LOC128706665: variants seen among roughly 807,000 people sequenced by gnomAD.
At chr20:10,428,705 T>A in the LOC128706665 span, among the ~76,000 whole-genome samples, 1 of 152,104 alleles carries the variant, frequency 6.6e-6, no homozygotes, top group Admixed American at 6.5e-5. Flanking sequence ...CTGGATGTGG[T>A]GGGTGCACCT....
the LOC128706665 span, among the ~76,000 whole-genome samples, chr20:10,424,087 G>A: frequency 2.6e-5 from 4 of 152,096 alleles, no homozygotes; most frequent in East Asian, 5.8e-4. Context: ...GGCTTTTCAC[G>A]TTACAAACTA....
the LOC128706665 span, among the ~76,000 whole-genome samples, chr20:10,429,313 T>C: frequency 6.6e-6 from 1 of 152,208 alleles, no homozygotes; most frequent in Admixed American, 6.5e-5. Context: ...CTTAGTCTCC[T>C]TTAATAGCCT....
the LOC128706665 span, among the ~76,000 whole-genome samples, chr20:10,421,938 T>C: frequency 5.3e-5 from 8 of 152,206 alleles, no homozygotes; most frequent in South Asian, 2.1e-4. Context: ...AGACATGCTA[T>C]GAACTTGGCT....
the LOC128706665 span, among the ~76,000 whole-genome samples, chr20:10,417,144 G>A: frequency 1.1e-4 from 16 of 151,616 alleles, no homozygotes; most frequent in African/African-American, 3.2e-4. Context: ...CCAGTTACTC[G>A]GGAGGTTGAA....
chr20:10,420,753 G>T, the LOC128706665 span: 2 of 152,180 alleles, frequency 1.3e-5, no homozygotes, highest in Non-Finnish European at 2.9e-5. Flanking sequence ...TTCAGCATCA[G>T]TGTACCTAAG....
At chr20:10,413,738 C>T in the LOC128706665 span, 3 of 605,454 alleles carry the variant, frequency 5.0e-6, no homozygotes, top group Non-Finnish European at 8.7e-6. Context: ...TTTTACTTCA[C>T]TCTTCAATAC....
the LOC128706665 span, among the ~76,000 whole-genome samples, chr20:10,428,339 C>T: frequency 6.6e-6 from 1 of 152,194 alleles, no homozygotes; most frequent in Non-Finnish European, 1.5e-5. Flanking sequence ...ATGAATGGGC[C>T]TTTAGTGCTA....
chr20:10,433,712 C>A, the LOC128706665 span, among the ~76,000 whole-genome samples: 1 of 152,136 alleles, frequency 6.6e-6, no homozygotes, highest in Non-Finnish European at 1.5e-5. Context: ...CTCCCGACAG[C>A]CTGGGGTACA....
chr20:10,418,475 T>C, the LOC128706665 span, among the ~76,000 whole-genome samples: 1 of 152,194 alleles, frequency 6.6e-6, no homozygotes, highest in Non-Finnish European at 1.5e-5. Flanking sequence ...ACTTCAACTA[T>C]TCGGAATTTG....
the LOC128706665 span, among the ~76,000 whole-genome samples, chr20:10,431,527 A>AAAACCAAACCAAACC: frequency 7.2e-4 from 109 of 150,844 alleles, no homozygotes; most frequent in African/African-American, 2.5e-3. Flanking sequence ...ATAGGGTCAA[A>AAAACCAAACCAAACC]AAACCAAACC....
chr20:10,433,433 C>G, the LOC128706665 span, among the ~76,000 whole-genome samples: 12 of 152,212 alleles, frequency 7.9e-5, no homozygotes, highest in Admixed American at 4.6e-4. Context: ...TTGGTCACTG[C>G]CGTATCTACT....
the LOC128706665 span, among the ~76,000 whole-genome samples, chr20:10,427,079 CAA>C: frequency 7.3e-6 from 1 of 137,360 alleles, no homozygotes; most frequent in Non-Finnish European, 1.6e-5. Flanking sequence ...CACACACACA[CAA>C]AGTAAGGTTA....
the LOC128706665 span, among the ~76,000 whole-genome samples, chr20:10,417,900 C>T: frequency 6.6e-6 from 1 of 152,124 alleles, no homozygotes; most frequent in East Asian, 1.9e-4. Flanking sequence ...ATCAGCCAAA[C>T]TGAGAATGTG....
At chr20:10,427,029 G>GACACACACACATACAC in the LOC128706665 span, among the ~76,000 whole-genome samples, 1 of 130,724 alleles carries the variant, frequency 7.6e-6, no homozygotes, top group Non-Finnish European at 1.6e-5. Context: ...AGAAAACACT[G>GACACACACACATACAC]ACACACACAC....
At chr20:10,422,655 C>T in the LOC128706665 span, among the ~76,000 whole-genome samples, 1 of 151,876 alleles carries the variant, frequency 6.6e-6, no homozygotes, top group East Asian at 1.9e-4. Context: ...AGTCTCAATA[C>T]TTAAGGTGAC....
At chr20:10,429,421 A>G in the LOC128706665 span, among the ~76,000 whole-genome samples, 1 of 152,142 alleles carries the variant, frequency 6.6e-6, no homozygotes, top group Non-Finnish European at 1.5e-5. Flanking sequence ...TTCTATGATC[A>G]TGCATCCACT....
the LOC128706665 span, among the ~76,000 whole-genome samples, chr20:10,433,043 G>A: frequency 6.6e-6 from 1 of 152,106 alleles, no homozygotes; most frequent in African/African-American, 2.4e-5. Context: ...AGTCTCTGTC[G>A]CCCAACCTGG....
chr20:10,430,954 T>C, the LOC128706665 span, among the ~76,000 whole-genome samples: 75,422 of 151,978 alleles, frequency 0.5, 19,268 homozygotes, highest in Non-Finnish European at 0.56. Flanking sequence ...ATGGCGAGAA[T>C]CAAAGTCTAA....
At chr20:10,425,521 A>C in the LOC128706665 span, among the ~76,000 whole-genome samples, 3 of 152,386 alleles carry the variant, frequency 2.0e-5, no homozygotes, top group South Asian at 6.2e-4. Flanking sequence ...GGTTCATGAT[A>C]CTGAGAAGCA....
Sources: allele counts gnomAD v4.1 joint callset (sites outside exome capture counted in the v4.1 genomes callset), GRCh38; gene constraint gnomAD v4.1.1; transcripts MANE v1.5.